The following GALNTL6 variants were observed in gnomAD, a reference collection of about 807,000 sequenced individuals.
The protein encoded by GALNTL6 is polypeptide N-acetylgalactosaminyltransferase like 6, also known as polypeptide N-acetylgalactosaminyltransferase-like 6.
Under a neutral mutation model 73.7 loss-of-function variants are expected in GALNTL6, and 46 were observed. The observed-to-expected ratio is 0.62, with a 90% CI of 0.49 to 0.80. The LOEUF (loss-of-function observed/expected upper bound fraction) is 0.80, where lower values mean the gene tolerates loss of function less well. Among genes scored for constraint, GALNTL6 ranks in the 30% least tolerant of loss-of-function variants. GALNTL6 has a pLI of 0.00. For missense variants in GALNTL6, 604 were observed against 755.0 expected (o/e 0.80, Z 2.34); for synonymous variants, 259 against 263.7 (o/e 0.98, Z 0.17).
In GALNTL6 at chr4:171,878,537, G is replaced by A. The variant is rs142649523; in HGVS notation, c.138+63819G>A. On this transcript the variant is annotated intron_variant, in intron 2 of 12. Coordinates refer to ENST00000506823, the MANE Select transcript of GALNTL6 (RefSeq NM_001034845.3). ...CATAAATAGTACATTTCTATTTGGT[G>A]TCAATAATACGTATACATAAACCCT... Among the ~76,000 whole-genome samples the A allele has an allele frequency of 7.2e-3, 1,091 of 152,088 alleles. 11 individuals carry two copies. Among genetic ancestry groups the A allele is most frequent in the African/African-American group, 0.02 (826 of 41,482 alleles).
intron 2 of GALNTL6, among the ~76,000 whole-genome samples, chr4:171,889,021 T>C (rs1184483568): frequency 6.6e-6 from 1 of 152,058 alleles, no homozygotes; most frequent in African/African-American, 2.4e-5. Flanking sequence ...CTACTTCATA[T>C]GATCCTTAAA....
At chr4:172,300,823 G>C (rs200129113) in intron 3 of GALNTL6, among the ~76,000 whole-genome samples, 4 of 151,990 alleles carry the variant, frequency 2.6e-5, no homozygotes, top group African/African-American at 7.3e-5. Flanking sequence ...TTTCAACTTT[G>C]GTGAATCTGA....
rs113562873 is a variant in GALNTL6 at position 171,875,105 on chromosome 4, G to T, written c.138+60387G>T. On this transcript the variant is annotated intron_variant, in intron 2 of 12. Coordinates refer to ENST00000506823, the MANE Select transcript of GALNTL6 (RefSeq NM_001034845.3). ...TCACATTTAAGATAAACAGGAAAGG[G>T]TTCACGGGGAAGGTAATGTGAGCCT... Among the ~76,000 whole-genome samples the T allele has an allele frequency of 1.7e-3, 262 of 152,278 alleles. 1 individual carries two copies. The highest frequency in any genetic ancestry group is 5.8e-3 in the African/African-American group (241 of 41,558).
intron 5 of GALNTL6, among the ~76,000 whole-genome samples, chr4:172,553,084 T>G (rs1360066583): frequency 6.6e-6 from 1 of 152,134 alleles, no homozygotes; most frequent in Non-Finnish European, 1.5e-5. Context: ...TCCTTCCATA[T>G]TGGTTAATGA....
chr4:172,187,559 A>G (rs181350354), intron 2 of GALNTL6, among the ~76,000 whole-genome samples: 1 of 152,242 alleles, frequency 6.6e-6, no homozygotes, highest in Admixed American at 6.5e-5. Context: ...CAGAGTTGCT[A>G]TCAAAAGTTT....
intron 2 of GALNTL6, among the ~76,000 whole-genome samples, chr4:171,966,012 C>T (rs1739372745): frequency 6.6e-6 from 1 of 152,136 alleles, no homozygotes. Context: ...TTCTTTTAAG[C>T]AGCCTTGGTG....
chr4:172,374,087 T>C (rs1476594176), intron 5 of GALNTL6, among the ~76,000 whole-genome samples: 2 of 152,194 alleles, frequency 1.3e-5, no homozygotes, highest in African/African-American at 2.4e-5. Flanking sequence ...CTTCCAGTGA[T>C]TGCCTCGGCA....
Position 173,009,219 on chromosome 4 carries a change from T to G in GALNTL6, c.1413T>G (p.His471Gln). ...CAAATCTCTGTGTGGACAGCAAGCA[T>G]GGAGCCACCGGAACAGAGCTGAGGC... is the stretch of plus-strand genomic sequence containing the variant. The part of the protein sequence containing the change: ...VAANLCVDSK[H>Q]GATGTELRLD... The change falls in exon 11 of 13, where the codon CAT (histidine) becomes CAG (glutamine). Residue 471 changes from histidine to glutamine, a missense_variant. By Grantham distance (24) the His-to-Gln change is conservative (BLOSUM62 0). Transcript: ENST00000506823. 1 of 1,614,134 alleles carries G rather than the reference T, an allele frequency of 6.2e-7. No homozygotes were observed. The highest frequency in any genetic ancestry group is 1.1e-5 in the South Asian group (1 of 91,086).
chr4:172,316,070 T>C (rs1470604093), intron 4 of GALNTL6, among the ~76,000 whole-genome samples: 5 of 152,204 alleles, frequency 3.3e-5, no homozygotes, highest in Non-Finnish European at 5.9e-5. Context: ...TAAGCAAGTA[T>C]TATTCCCTGC....
At chr4:172,445,834 A>T (rs760867203) in intron 5 of GALNTL6, among the ~76,000 whole-genome samples, 1 of 152,092 alleles carries the variant, frequency 6.6e-6, no homozygotes, top group Non-Finnish European at 1.5e-5. Context: ...TTTTTGTCAG[A>T]AAAGGTATAA....
At chr4:172,573,805 A>G (rs1244311118) in intron 5 of GALNTL6, among the ~76,000 whole-genome samples, 1 of 152,188 alleles carries the variant, frequency 6.6e-6, no homozygotes, top group Non-Finnish European at 1.5e-5. Flanking sequence ...ATGTTTTACT[A>G]TGATTCAGCA....
At chr4:171,942,686 T>A (rs1001827789) in intron 2 of GALNTL6, among the ~76,000 whole-genome samples, 3 of 152,212 alleles carry the variant, frequency 2.0e-5, no homozygotes, top group Admixed American at 2.0e-4. Context: ...AGATTGCACC[T>A]AAGAGCCTGT....
chr4:172,225,661 C>T (rs1320527997), intron 2 of GALNTL6, among the ~76,000 whole-genome samples: 4 of 152,088 alleles, frequency 2.6e-5, no homozygotes, highest in African/African-American at 4.8e-5. Context: ...ATGGCTGAGG[C>T]GTGAGAATTG....
chr4:172,412,566 A>T (rs1294586068), intron 5 of GALNTL6, among the ~76,000 whole-genome samples: 1 of 152,196 alleles, frequency 6.6e-6, no homozygotes, highest in Non-Finnish European at 1.5e-5. Flanking sequence ...GACACCTTAG[A>T]TAGGTTTTTT....
At chr4:172,295,453 T>G (rs979030667) in intron 3 of GALNTL6, among the ~76,000 whole-genome samples, 7 of 149,640 alleles carry the variant, frequency 4.7e-5, no homozygotes, top group African/African-American at 1.7e-4. Flanking sequence ...ATCAGAAAAT[T>G]GAGACTGAGT....
chr4:172,995,336 G>A (rs187420892), intron 10 of GALNTL6, among the ~76,000 whole-genome samples: 17 of 152,318 alleles, frequency 1.1e-4, no homozygotes, highest in Admixed American at 5.9e-4. Flanking sequence ...GACCAGCCAC[G>A]TCCAGCTTGC....
At chr4:172,098,015 A>G (rs1484674978) in intron 2 of GALNTL6, among the ~76,000 whole-genome samples, 4 of 152,150 alleles carry the variant, frequency 2.6e-5, no homozygotes, top group Non-Finnish European at 5.9e-5. Flanking sequence ...TGGACATGAC[A>G]GTAAGCATTA....
At chr4:172,432,338 C>CAGT (rs1731485979) in intron 5 of GALNTL6, among the ~76,000 whole-genome samples, 1 of 151,516 alleles carries the variant, frequency 6.6e-6, no homozygotes, top group Admixed American at 6.6e-5. Flanking sequence ...CTTGCTCTGT[C>CAGT]AGTAGTGCAT....
At chr4:172,467,542 G>A (rs1732866886) in intron 5 of GALNTL6, among the ~76,000 whole-genome samples, 1 of 152,136 alleles carries the variant, frequency 6.6e-6, no homozygotes, top group Admixed American at 6.5e-5. Flanking sequence ...AAGGTTCACA[G>A]GGAGAGGGGG....
Sources: gnomAD v4.1 joint callset for allele counts (sites outside exome capture counted in the v4.1 genomes callset) on GRCh38, gnomAD v4.1.1 for gene constraint, MANE v1.5 for transcripts, NCBI Gene and HGNC (gene_info 2026-07-23, HGNC 2026-07-21) for gene names.